The following RPH3A variants were observed in gnomAD, a reference collection of about 807,000 sequenced individuals.
The protein encoded by RPH3A is rabphilin 3A, also known as rabphilin-3A.
In RPH3A, 48 loss-of-function variants were observed where a neutral mutation model predicts 102.2. The ratio of observed to expected loss-of-function variants is 0.47; its 90% CI spans 0.37 to 0.60. RPH3A has a LOEUF of 0.60. Ranked by LOEUF, RPH3A falls within the 20% of genes least tolerant of loss-of-function variation. The probability of loss-of-function intolerance (pLI) is 0.00; values close to 1 mark genes in which losing one functional copy is unlikely to be tolerated. For synonymous variants in RPH3A, 310 were observed against 324.3 expected (o/e 0.96, Z 0.47); for missense variants, 781 against 910.1 (o/e 0.86, Z 1.83).
intron 1 of RPH3A, among the ~76,000 whole-genome samples, chr12:112,771,455 G>T (rs933971836): frequency 6.6e-6 from 1 of 152,074 alleles, no homozygotes; most frequent in Non-Finnish European, 1.5e-5. Context: ...CATTTACCCA[G>T]TCCCCTTTAG....
At chr12:112,748,428 G>A (rs2040762838) in intron 1 of RPH3A, among the ~76,000 whole-genome samples, 1 of 152,112 alleles carries the variant, frequency 6.6e-6, no homozygotes, top group Admixed American at 6.6e-5. Flanking sequence ...TAAACTCATG[G>A]ACTCAAGGGA....
intron 15 of RPH3A, 35 bp from the exon 16 acceptor site, chr12:112,883,258 G>A (rs1197759899): frequency 1.9e-6 from 3 of 1,554,334 alleles, no homozygotes; most frequent in Non-Finnish European, 2.7e-6. Context: ...TCCCCACTGA[G>A]GTAGGTGTCT....
intron 4 of RPH3A, among the ~76,000 whole-genome samples, chr12:112,846,502 G>A (rs527333835): frequency 1.3e-5 from 2 of 152,354 alleles, no homozygotes; most frequent in Admixed American, 6.5e-5. Context: ...AGCTAGCTAA[G>A]GTGGGGGGAT....
chr12:112,605,420 A>G (rs1459363265), intron 1 of RPH3A, among the ~76,000 whole-genome samples: 2 of 152,054 alleles, frequency 1.3e-5, no homozygotes, highest in African/African-American at 4.8e-5. Flanking sequence ...AAAAATCCAA[A>G]CGAAACCGAA....
intron 1 of RPH3A, among the ~76,000 whole-genome samples, chr12:112,587,570 C>G (rs966236085): frequency 2.0e-5 from 3 of 152,142 alleles, no homozygotes; most frequent in Non-Finnish European, 4.4e-5. Flanking sequence ...AAATGTTTGT[C>G]TTGTGTGGTT....
chr12:112,670,088 G>A (rs1025998075), intron 1 of RPH3A, among the ~76,000 whole-genome samples: 7 of 152,204 alleles, frequency 4.6e-5, no homozygotes, highest in African/African-American at 1.7e-4. Flanking sequence ...AAGAATGTGT[G>A]TATTTAAAAT....
chr12:112,760,075 C>T (rs1379458394), intron 1 of RPH3A, among the ~76,000 whole-genome samples: 2 of 152,202 alleles, frequency 1.3e-5, no homozygotes, highest in African/African-American at 4.8e-5. Flanking sequence ...CCTGAGGAAG[C>T]TCTGAGCTGA....
At chr12:112,610,283 A>T (rs1187064683) in intron 1 of RPH3A, among the ~76,000 whole-genome samples, 2 of 152,074 alleles carry the variant, frequency 1.3e-5, no homozygotes, top group Non-Finnish European at 2.9e-5. Flanking sequence ...GAGGCAGATC[A>T]CCTGAGGTTG....
chr12:112,612,593 C>G (rs1380914993), intron 1 of RPH3A, among the ~76,000 whole-genome samples: 1 of 125,408 alleles, frequency 8.0e-6, no homozygotes, highest in Non-Finnish European at 1.6e-5. Flanking sequence ...GAGACAGGGT[C>G]TCACTCTGTC....
intron 1 of RPH3A, among the ~76,000 whole-genome samples, chr12:112,701,757 A>C (rs951136750): frequency 6.6e-6 from 1 of 152,262 alleles, no homozygotes; most frequent in African/African-American, 2.4e-5. Context: ...GAAACATAAC[A>C]AAGAAGAGAT....
At chr12:112,635,260 T>A (rs1278236092) in intron 1 of RPH3A, among the ~76,000 whole-genome samples, 1 of 152,220 alleles carries the variant, frequency 6.6e-6, no homozygotes, top group Non-Finnish European at 1.5e-5. Flanking sequence ...GATTGGCCTA[T>A]GGGCTGTTGT....
At chr12:112,624,433 C>T (rs201831487) in intron 1 of RPH3A, among the ~76,000 whole-genome samples, 31,755 of 140,028 alleles carry the variant, frequency 0.23, 2,885 homozygotes, top group East Asian at 0.54. Flanking sequence ...AACACCTCTA[C>T]GCAAATAAAC....
intron 2 of RPH3A, among the ~76,000 whole-genome samples, chr12:112,810,084 G>A (rs1593027395): frequency 6.6e-6 from 1 of 152,144 alleles, no homozygotes; most frequent in Non-Finnish European, 1.5e-5. Flanking sequence ...TTCCTTTCTC[G>A]ATTCCTCAGA....
intron 1 of RPH3A, among the ~76,000 whole-genome samples, chr12:112,652,851 T>A (rs1473021276): frequency 1.3e-5 from 2 of 152,166 alleles, no homozygotes; most frequent in Non-Finnish European, 2.9e-5. Context: ...GATGGAGATG[T>A]GCTCTGAGAA....
At chr12:112,798,322 G>A (rs556497913) in intron 2 of RPH3A, among the ~76,000 whole-genome samples, 4 of 152,250 alleles carry the variant, frequency 2.6e-5, no homozygotes, top group African/African-American at 9.6e-5. Flanking sequence ...TATTTAGAGA[G>A]CGAGGGGGGG....
Position 112,836,563 on chromosome 12 carries a change from T to G in RPH3A, c.83+61T>G, listed in dbSNP as rs932387789. 3 of 833,022 alleles carry G rather than the reference T, an allele frequency of 3.6e-6. No homozygotes were observed. The Admixed American group carries it at 9.5e-5, about 26-fold the overall frequency. 51.6% of individuals were successfully genotyped at this position (833,022 alleles called of 1,614,324 possible). On this transcript the variant is annotated intron_variant, in intron 4 of 21. Coordinates refer to ENST00000389385, the MANE Select transcript of RPH3A (RefSeq NM_001143854.2). ...ACAAACTGTATTTTATCTCTTTCTC[T>G]GATCAAGGTGGCTTTCCCCTAAAGA...
intron 1 of RPH3A, among the ~76,000 whole-genome samples, chr12:112,598,820 G>A (rs1311439059): frequency 6.6e-6 from 1 of 152,168 alleles, no homozygotes; most frequent in Non-Finnish European, 1.5e-5. Context: ...CATTGAAAGG[G>A]TGCCAAAAAA....
intron 1 of RPH3A, among the ~76,000 whole-genome samples, chr12:112,763,823 G>T (rs893688775): frequency 1.3e-5 from 2 of 152,164 alleles, no homozygotes; most frequent in African/African-American, 4.8e-5. Flanking sequence ...GCCCTTAGCT[G>T]CGAGAAGGGT....
At chr12:112,662,773 A>AG (rs1038858981) in intron 1 of RPH3A, among the ~76,000 whole-genome samples, 6 of 151,918 alleles carry the variant, frequency 3.9e-5, no homozygotes, top group African/African-American at 1.5e-4. Context: ...TACAAAAAAA[A>AG]AAAAAACAGG....
Sources: allele counts gnomAD v4.1 joint callset (sites outside exome capture counted in the v4.1 genomes callset), GRCh38; gene constraint gnomAD v4.1.1; transcripts MANE v1.5; gene names NCBI Gene and HGNC (gene_info 2026-07-23, HGNC 2026-07-21).